ZNF362: variants seen among roughly 807,000 people sequenced by gnomAD.
ZNF362 encodes rotund homolog.
In ZNF362, 11 loss-of-function variants were observed where a neutral mutation model predicts 42.9. That is an observed-to-expected ratio of 0.26 (90% CI 0.16 to 0.42). The LOEUF is 0.42. Among genes scored for constraint, ZNF362 ranks in the 20% least tolerant of loss-of-function variants. The pLI, the probability that ZNF362 is intolerant of heterozygous loss-of-function variation, is 1.00. For synonymous variants in ZNF362, 255 were observed against 257.3 expected, an observed-to-expected ratio of 0.99 and a Z score of 0.09; for missense variants, 362 against 576.2, an observed-to-expected ratio of 0.63 and a Z score of 3.81.
chr1:33,297,332 A>G (rs1646131880), intron 8 of ZNF362, among the ~76,000 whole-genome samples: 1 of 141,190 alleles, frequency 7.1e-6, no homozygotes, highest in Non-Finnish European at 1.6e-5. Context: ...ACTATTTCTA[A>G]AAATTGCACT....
the ZNF362 span, among the ~76,000 whole-genome samples, chr1:33,248,817 G>A: frequency 6.6e-6 from 1 of 152,174 alleles, no homozygotes; most frequent in Non-Finnish European, 1.5e-5. Flanking sequence ...GTTGAATAAT[G>A]GCTAGCTCTG....
chr1:33,236,868 C>T, the ZNF362 span, among the ~76,000 whole-genome samples: 2 of 151,730 alleles, frequency 1.3e-5, no homozygotes, highest in African/African-American at 4.8e-5. Context: ...ATTAGGAGCT[C>T]GAGACCAGCC....
the ZNF362 span, among the ~76,000 whole-genome samples, chr1:33,153,510 C>G: frequency 6.6e-6 from 1 of 152,174 alleles, no homozygotes. Flanking sequence ...TGGATAGAGG[C>G]CAGGGATGCC....
At chr1:33,149,060 G>T in the ZNF362 span, among the ~76,000 whole-genome samples, 5 of 152,116 alleles carry the variant, frequency 3.3e-5, no homozygotes, top group African/African-American at 1.2e-4. Flanking sequence ...ACCCCCAGAG[G>T]CTCAATTCAA....
the ZNF362 span, among the ~76,000 whole-genome samples, chr1:33,222,056 A>G: frequency 6.6e-6 from 1 of 152,186 alleles, no homozygotes; most frequent in Non-Finnish European, 1.5e-5. Context: ...GGTGCCCAGT[A>G]TAGGTTCATG....
At chr1:33,257,326 A>T (rs1290055858) in intron 1 of ZNF362, among the ~76,000 whole-genome samples, 1 of 151,808 alleles carries the variant, frequency 6.6e-6, no homozygotes, top group Non-Finnish European at 1.5e-5. Context: ...TAAAGAAAAA[A>T]AAAAAGGGAA....
intron 6 of ZNF362, among the ~76,000 whole-genome samples, chr1:33,288,957 C>T (rs1261132199): frequency 6.6e-5 from 10 of 152,096 alleles, no homozygotes; most frequent in Non-Finnish European, 1.2e-4. Context: ...TAGCCTGGTC[C>T]TTCCTTATCC....
intron 3 of ZNF362, 23 bp downstream of exon 3, chr1:33,276,186 G>C: frequency 6.2e-7 from 1 of 1,611,808 alleles, no homozygotes; most frequent in Non-Finnish European, 8.5e-7. Context: ...TCGCCCCTCC[G>C]GCTGCCCTAC....
chr1:33,263,326 A>G (rs1454157542), intron 1 of ZNF362, among the ~76,000 whole-genome samples: 1 of 152,132 alleles, frequency 6.6e-6, no homozygotes, highest in Non-Finnish European at 1.5e-5. Context: ...CTAGATGCTG[A>G]GGATAGATGG....
At chr1:33,255,756 C>T (rs1375109524), upstream of ZNF362, among the ~76,000 whole-genome samples, 2 of 152,122 alleles carry the variant, frequency 1.3e-5, no homozygotes, top group African/African-American at 4.8e-5. Flanking sequence ...CTACTCCCCA[C>T]CCCTATGTCC....
At chr1:33,140,238 G>T in the ZNF362 span, among the ~76,000 whole-genome samples, 1 of 152,222 alleles carries the variant, frequency 6.6e-6, no homozygotes, top group African/African-American at 2.4e-5. The surrounding 1 kb of genome is among the most constrained non-coding windows in gnomAD (Gnocchi z 4.0). Flanking sequence ...AGCTGTCCAG[G>T]GTCATTGGTG....
the ZNF362 span, among the ~76,000 whole-genome samples, chr1:33,217,199 T>C: frequency 1.3e-5 from 2 of 152,292 alleles, no homozygotes; most frequent in Non-Finnish European, 2.9e-5. Context: ...ACCATCTCAG[T>C]GGAAACCTGC....
chr1:33,278,691 G>C (rs954936425), intron 4 of ZNF362, among the ~76,000 whole-genome samples: 22 of 152,148 alleles, frequency 1.4e-4, no homozygotes, highest in African/African-American at 5.3e-4. Context: ...TCCAAACTAC[G>C]TATGTAGTTT....
chr1:33,247,518 A>G, the ZNF362 span, among the ~76,000 whole-genome samples: 1 of 152,216 alleles, frequency 6.6e-6, no homozygotes, highest in Non-Finnish European at 1.5e-5. Flanking sequence ...TCATGTCCCT[A>G]TGGGCATTCA....
intron 8 of ZNF362, among the ~76,000 whole-genome samples, chr1:33,296,112 G>A (rs1376516140): frequency 1.3e-5 from 2 of 152,182 alleles, no homozygotes; most frequent in African/African-American, 4.8e-5. Context: ...AAGTACACAC[G>A]TAACTGTTTG....
chr1:33,169,528 C>T, the ZNF362 span, among the ~76,000 whole-genome samples: 3 of 152,122 alleles, frequency 2.0e-5, 1 homozygote, highest in African/African-American at 7.2e-5. Context: ...TAAATGCTTC[C>T]CCCTCTCACT....
chr1:33,267,860 A>G (rs1645875322), intron 1 of ZNF362, among the ~76,000 whole-genome samples: 1 of 152,194 alleles, frequency 6.6e-6, no homozygotes, highest in African/African-American at 2.4e-5. Context: ...CTAGGGATGG[A>G]TGACCAAGAA....
the ZNF362 span, among the ~76,000 whole-genome samples, chr1:33,246,907 G>T: frequency 6.6e-6 from 1 of 152,220 alleles, no homozygotes; most frequent in Non-Finnish European, 1.5e-5. Context: ...CCTGTAGGTG[G>T]CTGACAGTCT....
chr1:33,153,877 G>A, the ZNF362 span, among the ~76,000 whole-genome samples: 1 of 152,222 alleles, frequency 6.6e-6, no homozygotes, highest in East Asian at 1.9e-4. Flanking sequence ...TAGCTGCTGG[G>A]AGTGAATCAG....
Sources: gnomAD v4.1 joint callset for allele counts (sites outside exome capture counted in the v4.1 genomes callset) on GRCh38, gnomAD v4.1.1 for gene constraint, Gnocchi (gnomAD v3.1) non-coding constraint, MANE v1.5 for transcripts, NCBI Gene and HGNC (gene_info 2026-07-23, HGNC 2026-07-21) for gene names.